The following EPB41L2 variants were observed in gnomAD, a reference collection of about 807,000 sequenced individuals.
EPB41L2 encodes the protein band 4.1-like protein 2.
A neutral mutation model predicts 113.0 loss-of-function variants in EPB41L2; 43 were observed. That is an observed-to-expected ratio of 0.38 (90% CI 0.30 to 0.49). The LOEUF (loss-of-function observed/expected upper bound fraction) is 0.49, where lower values mean the gene tolerates loss of function less well. Ranked by LOEUF, EPB41L2 falls within the 20% of genes least tolerant of loss-of-function variation. The probability of loss-of-function intolerance (pLI) is 0.95; values close to 1 mark genes in which losing one functional copy is unlikely to be tolerated. For missense variants in EPB41L2, 1,147 were observed against 1,223.4 expected, an observed-to-expected ratio of 0.94 and a Z score of 0.93; for synonymous variants, 442 against 436.7, an observed-to-expected ratio of 1.01 and a Z score of -0.15.
intron 1 of EPB41L2, among the ~76,000 whole-genome samples, chr6:130,992,698 T>C (rs1782173462): frequency 2.6e-5 from 4 of 151,798 alleles, no homozygotes; most frequent in Admixed American, 1.3e-4. Flanking sequence ...TGGCGCCATC[T>C]CAGCTCACTG....
intron 1 of EPB41L2, among the ~76,000 whole-genome samples, chr6:131,043,885 A>T (rs1794908715): frequency 1.3e-5 from 2 of 152,226 alleles, no homozygotes; most frequent in African/African-American, 4.8e-5. Context: ...TAAGAAGTGA[A>T]GTGAATAGAG....
intron 3 of EPB41L2, among the ~76,000 whole-genome samples, chr6:130,937,255 T>C (rs1469418465): frequency 6.6e-6 from 1 of 152,166 alleles, no homozygotes; most frequent in African/African-American, 2.4e-5. Flanking sequence ...TCATACAGAG[T>C]AACTTCATTG....
intron 1 of EPB41L2, among the ~76,000 whole-genome samples, chr6:130,994,322 T>C (rs1782566335): frequency 1.3e-5 from 2 of 152,138 alleles, no homozygotes; most frequent in Admixed American, 1.3e-4. Context: ...ACCACTGTTC[T>C]CACTTACCTG....
intron 1 of EPB41L2, among the ~76,000 whole-genome samples, chr6:130,982,986 A>G (rs557140623): frequency 6.6e-6 from 1 of 152,258 alleles, no homozygotes; most frequent in Non-Finnish European, 1.5e-5. Flanking sequence ...ATTCTAGTTT[A>G]TGTGAGATAA....
intron 1 of EPB41L2, among the ~76,000 whole-genome samples, chr6:130,969,901 A>T (rs868228176): frequency 6.6e-6 from 1 of 152,098 alleles, no homozygotes; most frequent in Non-Finnish European, 1.5e-5. Context: ...CAACCAGACA[A>T]GCATATAAAA....
At chr6:130,904,382 G>A (rs1797123829) in intron 6 of EPB41L2, 83 bp downstream of exon 6, 6 of 920,872 alleles carry the variant, frequency 6.5e-6, no homozygotes, top group Non-Finnish European at 9.7e-6. Context: ...TTTCAATCCT[G>A]AAATTACCAC....
intron 1 of EPB41L2, among the ~76,000 whole-genome samples, chr6:130,985,295 T>TGG (rs60134548): frequency 6.6e-6 from 1 of 151,824 alleles, no homozygotes; most frequent in African/African-American, 2.4e-5. Flanking sequence ...CAGCCACATT[T>TGG]GGGGGGGGAC....
At chr6:130,876,836 A>C in intron 14 of EPB41L2, 1 of 1,058,746 alleles carries the variant, frequency 9.4e-7, no homozygotes, top group African/African-American at 1.6e-5. Flanking sequence ...ACCTATAGCA[A>C]CACAAACACA....
At chr6:130,966,224 G>C (rs1274645552) in intron 1 of EPB41L2, among the ~76,000 whole-genome samples, 4 of 152,172 alleles carry the variant, frequency 2.6e-5, no homozygotes, top group African/African-American at 9.7e-5. Context: ...CTACAACACT[G>C]TAAAAGCTCA....
intron 3 of EPB41L2, among the ~76,000 whole-genome samples, chr6:130,928,945 C>T (rs1392480441): frequency 2.0e-5 from 3 of 152,216 alleles, no homozygotes; most frequent in African/African-American, 7.2e-5. Context: ...CTACTGTCAA[C>T]TATTCCTTCA....
At chr6:130,885,372 GA>G in intron 11 of EPB41L2, 104 bp from the exon 12 acceptor site, 1 of 1,021,788 alleles carries the variant, frequency 9.8e-7, no homozygotes, top group Non-Finnish European at 1.5e-6. Context: ...TATAAATAGT[GA>G]ACAGGAACAG....
intron 1 of EPB41L2, among the ~76,000 whole-genome samples, chr6:131,024,407 G>A (rs776947933): frequency 1.3e-5 from 2 of 152,056 alleles, no homozygotes; most frequent in South Asian, 4.2e-4. Flanking sequence ...AGGAAGAGGT[G>A]TGGCACGGCT....
chr6:130,963,825 C>T (rs1018041631), intron 1 of EPB41L2, among the ~76,000 whole-genome samples: 3 of 152,136 alleles, frequency 2.0e-5, no homozygotes, highest in African/African-American at 7.2e-5. Flanking sequence ...CCTTGTAATA[C>T]TGGCAATCCA....
At chr6:130,946,850 A>T (rs1013467238) in intron 3 of EPB41L2, among the ~76,000 whole-genome samples, 1 of 152,108 alleles carries the variant, frequency 6.6e-6, no homozygotes, top group Non-Finnish European at 1.5e-5. Context: ...ATATAGCAAT[A>T]TTCACATTAA....
At chr6:131,061,303 T>C (rs1446802568) in intron 1 of EPB41L2, among the ~76,000 whole-genome samples, 1 of 152,204 alleles carries the variant, frequency 6.6e-6, no homozygotes, top group Non-Finnish European at 1.5e-5. Flanking sequence ...TAGGATTAAA[T>C]TAGCGCTAAA....
At chr6:131,057,180 C>T (rs1190200261) in intron 1 of EPB41L2, among the ~76,000 whole-genome samples, 2 of 152,164 alleles carry the variant, frequency 1.3e-5, no homozygotes, top group Admixed American at 1.3e-4. Flanking sequence ...CTTTCAAAAA[C>T]CACTCCTAAA....
chr6:130,885,302 G>T lies in EPB41L2; in HGVS notation c.1661-34C>A, dbSNP rs758678578. On this transcript the variant is annotated intron_variant, in intron 11 of 19. Transcript: ENST00000337057. ...GAGTGACAATTTTGGATTATTTTAG[G>T]ACATATGAATCATAAACTTTATGGA... The T allele has an allele frequency of 2.5e-5, 40 of 1,608,854 alleles. No homozygotes were observed. The East Asian group carries it at 8.5e-4, about 34-fold the overall frequency.
chr6:130,884,327 C>T (rs1360296324), intron 12 of EPB41L2, among the ~76,000 whole-genome samples: 1 of 152,046 alleles, frequency 6.6e-6, no homozygotes, highest in Non-Finnish European at 1.5e-5. Context: ...AAGAGCGAAA[C>T]TTCATCTCGA....
At chr6:130,873,822 T>C (rs1482471449) in intron 14 of EPB41L2, among the ~76,000 whole-genome samples, 2 of 152,044 alleles carry the variant, frequency 1.3e-5, no homozygotes, top group African/African-American at 4.8e-5. Flanking sequence ...CCCTTCATAC[T>C]GTGAGCTAAG....
Sources: allele counts gnomAD v4.1 joint callset (sites outside exome capture counted in the v4.1 genomes callset), GRCh38; gene constraint gnomAD v4.1.1; transcripts MANE v1.5; gene names NCBI Gene and HGNC (gene_info 2026-07-23, HGNC 2026-07-21).